MIPOL1: variants seen among roughly 807,000 people sequenced by gnomAD.
MIPOL1 encodes the protein mirror-image polydactyly 1, also known as mirror-image polydactyly gene 1 protein.
Under a neutral mutation model 60.9 loss-of-function variants are expected in MIPOL1, and 57 were observed. The ratio of observed to expected loss-of-function variants is 0.94; its 90% CI spans 0.76 to 1.17. MIPOL1 has a LOEUF of 1.17. Ranked by LOEUF, MIPOL1 falls within the 50% of genes most tolerant of loss-of-function variation. The probability of loss-of-function intolerance (pLI) is 0.00; values close to 1 mark genes in which losing one functional copy is unlikely to be tolerated. For missense variants in MIPOL1, 551 were observed against 511.6 expected, an observed-to-expected ratio of 1.08 and a Z score of -0.74; for synonymous variants, 179 against 168.8, an observed-to-expected ratio of 1.06 and a Z score of -0.47.
Position 37,548,333 on chromosome 14 carries a change from G to A in MIPOL1, c.*1362G>A, listed in dbSNP as rs2095553291. 6.6e-6 allele frequency: 1 copy of A among 151,814 alleles called. No individual in the cohort carries two copies. The highest frequency in any genetic ancestry group is 6.6e-5 in the Admixed American group (1 of 15,252). 9.4% of individuals were successfully genotyped at this position (151,814 alleles called of 1,614,324 possible). On this transcript the variant is annotated 3_prime_UTR_variant, in exon 13 of 13. Coordinates refer to ENST00000684589, the MANE Select transcript of MIPOL1 (RefSeq NM_001388067.1). ...TCCACAGGAAAATGTAAGCTACTTT[G>A]TCATAGATCACAAAAGAATCATAAT...
At chr14:37,431,411 C>T (rs2094061792) in intron 11 of MIPOL1, among the ~76,000 whole-genome samples, 2 of 151,940 alleles carry the variant, frequency 1.3e-5, no homozygotes, top group African/African-American at 2.4e-5. Context: ...TACTTGTCTT[C>T]TCCATCCTTA....
rs2095555233 is a variant in MIPOL1 at position 37,549,041 on chromosome 14, A to C, written c.*2070A>C. ...AAGTATTACAGCCAAATATTATCTT[A>C]ATTAATTTCTTACACTTAAAAGTGT... On this transcript the variant is annotated 3_prime_UTR_variant, in exon 13 of 13. Coordinates refer to ENST00000684589, the MANE Select transcript of MIPOL1 (RefSeq NM_001388067.1). The C allele has an allele frequency of 6.6e-6, 1 of 151,956 alleles. No individual in the cohort carries two copies. Among genetic ancestry groups the C allele is most frequent in the Non-Finnish European group, 1.5e-5 (1 of 67,838 alleles). 9.4% of individuals were successfully genotyped at this position (151,956 alleles called of 1,614,324 possible).
At chr14:37,288,405 G>A (rs1282632454) in intron 7 of MIPOL1, among the ~76,000 whole-genome samples, 1 of 152,118 alleles carries the variant, frequency 6.6e-6, no homozygotes, top group Non-Finnish European at 1.5e-5. Context: ...ACATTAATTA[G>A]TGATTGGCTA....
chr14:37,342,323 C>A (rs773395583), intron 9 of MIPOL1, among the ~76,000 whole-genome samples: 53 of 151,476 alleles, frequency 3.5e-4, no homozygotes, highest in Non-Finnish European at 7.2e-4. Context: ...ATTGTGCCAT[C>A]GCCCTCCAGC....
intron 12 of MIPOL1, among the ~76,000 whole-genome samples, chr14:37,500,669 G>A (rs1956434): frequency 0.77 from 117,146 of 152,136 alleles, 45,637 homozygotes; most frequent in African/African-American, 0.89. Context: ...ATTTTTATTA[G>A]AATTTAAATA....
chr14:37,459,889 A>T (rs1309861773), intron 11 of MIPOL1, among the ~76,000 whole-genome samples: 2 of 152,100 alleles, frequency 1.3e-5, no homozygotes, highest in African/African-American at 4.8e-5. Flanking sequence ...AGCCTGGCCG[A>T]CATGGTGAAA....
intron 9 of MIPOL1, among the ~76,000 whole-genome samples, chr14:37,355,384 C>G (rs1010288448): frequency 5.0e-5 from 7 of 138,950 alleles, no homozygotes; most frequent in African/African-American, 1.6e-4. Flanking sequence ...AATTATGTGT[C>G]TTGGAGTTGC....
intron 3 of MIPOL1, among the ~76,000 whole-genome samples, chr14:37,253,684 G>A (rs1277855032): frequency 1.3e-5 from 2 of 151,578 alleles, no homozygotes; most frequent in African/African-American, 4.8e-5. Flanking sequence ...TGAAATGATT[G>A]TAATAGTATT....
chr14:37,531,973 T>G (rs1417527933), intron 12 of MIPOL1, among the ~76,000 whole-genome samples: 1 of 152,118 alleles, frequency 6.6e-6, no homozygotes, highest in African/African-American at 2.4e-5. Context: ...TACCCATCTG[T>G]TCAAAAGGAG....
chr14:37,356,513 C>A (rs977231969), intron 9 of MIPOL1, among the ~76,000 whole-genome samples: 38 of 152,326 alleles, frequency 2.5e-4, no homozygotes, highest in Non-Finnish European at 4.4e-4. Flanking sequence ...AGCCTCGCTG[C>A]CGCCTTGCAG....
At chr14:37,430,689 A>G (rs2094047698) in intron 11 of MIPOL1, among the ~76,000 whole-genome samples, 1 of 152,102 alleles carries the variant, frequency 6.6e-6, no homozygotes, top group Non-Finnish European at 1.5e-5. Flanking sequence ...AATCAGTGAG[A>G]TGATACATCT....
chr14:37,535,701 A>G (rs141562420), intron 12 of MIPOL1, among the ~76,000 whole-genome samples: 36 of 152,320 alleles, frequency 2.4e-4, no homozygotes, highest in African/African-American at 8.7e-4. Flanking sequence ...GAAACACCTA[A>G]AAGGCTGTGT....
chr14:37,427,300 G>A (rs564770063), intron 11 of MIPOL1, among the ~76,000 whole-genome samples: 10 of 152,180 alleles, frequency 6.6e-5, no homozygotes, highest in Admixed American at 3.3e-4. Flanking sequence ...TATGCTAAGC[G>A]AAATAAACCA....
In MIPOL1 at chr14:37,455,127, C is replaced by A. The variant is rs111350301; in HGVS notation, c.1031+32178C>A. On this transcript the variant is annotated intron_variant, in intron 11 of 12. Transcript: ENST00000684589. ...TTTTCAGTTGATATTTCATGGTAAA[C>A]CCAATTCAGAATGTATAAAATGGAA... Among the ~76,000 whole-genome samples the A allele has an allele frequency of 3.1e-3, 468 of 152,196 alleles. 4 individuals carry two copies. The highest frequency in any genetic ancestry group is 0.031 in the Middle Eastern group (9 of 294).
intron 10 of MIPOL1, among the ~76,000 whole-genome samples, chr14:37,395,231 G>C (rs2093348618): frequency 6.6e-6 from 1 of 151,896 alleles, no homozygotes; most frequent in South Asian, 2.1e-4. Context: ...GGCTATGCGT[G>C]CTCTTTTTTG....
At chr14:37,374,668 C>T (rs2092726548) in intron 10 of MIPOL1, among the ~76,000 whole-genome samples, 1 of 151,940 alleles carries the variant, frequency 6.6e-6, no homozygotes, top group Admixed American at 6.6e-5. Flanking sequence ...TTGTTTTTTT[C>T]CAGTTTTCTC....
At chr14:37,446,866 T>C (rs1056481824) in intron 11 of MIPOL1, among the ~76,000 whole-genome samples, 1 of 151,582 alleles carries the variant, frequency 6.6e-6, no homozygotes, top group East Asian at 2.0e-4. Context: ...TAGGTGGGAA[T>C]TGAAGAATGA....
At chr14:37,422,794 G>T (rs2093897593) in intron 10 of MIPOL1, 61 bp from the exon 11 acceptor site, 3 of 1,068,616 alleles carry the variant, frequency 2.8e-6, no homozygotes, top group African/African-American at 1.6e-5. Context: ...TCTTACCGTG[G>T]TACTGTATTT....
chr14:37,356,466 C>G (rs1283215040), intron 9 of MIPOL1, among the ~76,000 whole-genome samples: 1 of 152,162 alleles, frequency 6.6e-6, no homozygotes, highest in African/African-American at 2.4e-5. Flanking sequence ...CTTTGTTTCC[C>G]TAAGCAAGCC....
Sources: gnomAD v4.1 joint callset for allele counts (sites outside exome capture counted in the v4.1 genomes callset) on GRCh38, gnomAD v4.1.1 for gene constraint, MANE v1.5 for transcripts, NCBI Gene and HGNC (gene_info 2026-07-23, HGNC 2026-07-21) for gene names.